Variants in AOAH observed in about 807,000 individuals in gnomAD.
The protein encoded by AOAH is acyloxyacyl hydrolase (neutrophil).
A neutral mutation model predicts 92.2 loss-of-function variants in AOAH; 64 were observed. The ratio of observed to expected loss-of-function variants is 0.69; its 90% CI spans 0.57 to 0.86. The LOEUF (loss-of-function observed/expected upper bound fraction) is 0.86, where lower values mean the gene tolerates loss of function less well. AOAH is among the 40% of genes least tolerant of loss of function. AOAH has a pLI of 0.00. For missense variants in AOAH, 656 were observed against 694.6 expected, an observed-to-expected ratio of 0.94 and a Z score of 0.62; for synonymous variants, 263 against 254.5, an observed-to-expected ratio of 1.03 and a Z score of -0.32.
At chr7:36,543,947 C>CTTTCTTTTTTTTTTTTT (rs55745823) in intron 15 of AOAH, among the ~76,000 whole-genome samples, 3 of 91,008 alleles carry the variant, frequency 3.3e-5, no homozygotes, top group African/African-American at 4.3e-5. Flanking sequence ...TTCTTTCTTT[C>CTTTCTTTTTTTTTTTTT]TTTTTTTTTT....
chr7:36,723,804 C>T (rs946364681), intron 1 of AOAH, among the ~76,000 whole-genome samples: 2 of 152,008 alleles, frequency 1.3e-5, no homozygotes, highest in African/African-American at 2.4e-5. Flanking sequence ...GAGTTTTATG[C>T]CCAATTTAAA....
chr7:36,602,420 T>G (rs1790678816), intron 11 of AOAH, among the ~76,000 whole-genome samples: 1 of 151,852 alleles, frequency 6.6e-6, no homozygotes, highest in Non-Finnish European at 1.5e-5. Context: ...AAACTCTTTC[T>G]ACTGAATTCC....
At chr7:36,718,935 T>G (rs182185618) in intron 1 of AOAH, among the ~76,000 whole-genome samples, 1 of 152,224 alleles carries the variant, frequency 6.6e-6, no homozygotes, top group Non-Finnish European at 1.5e-5. Context: ...TTATGATACA[T>G]GAATTATATT....
chr7:36,693,972 T>C (rs1396922009), intron 1 of AOAH, among the ~76,000 whole-genome samples: 2 of 152,230 alleles, frequency 1.3e-5, no homozygotes. Context: ...CTGAGGTAAA[T>C]GCCAAACATG....
chr7:36,678,748 T>C (rs1405746563), intron 2 of AOAH, among the ~76,000 whole-genome samples: 2 of 152,158 alleles, frequency 1.3e-5, no homozygotes, highest in African/African-American at 2.4e-5. Context: ...ATGGCTGATA[T>C]GGGACAGGAA....
intron 4 of AOAH, among the ~76,000 whole-genome samples, chr7:36,649,796 G>A (rs1405235766): frequency 1.3e-5 from 2 of 152,164 alleles, no homozygotes; most frequent in African/African-American, 4.8e-5. Flanking sequence ...CAGACCTACC[G>A]CTAACTTCCA....
intron 13 of AOAH, 54 bp from the exon 14 acceptor site, chr7:36,549,529 T>A: frequency 8.1e-7 from 1 of 1,239,472 alleles, no homozygotes; most frequent in Non-Finnish European, 1.2e-6. Context: ...AATTTCACAC[T>A]ATCAATATGG....
intron 11 of AOAH, among the ~76,000 whole-genome samples, chr7:36,605,721 C>T (rs1436592789): frequency 6.6e-6 from 1 of 152,190 alleles, no homozygotes; most frequent in Non-Finnish European, 1.5e-5. Context: ...GTGCACCCTA[C>T]ATGGCTGGCA....
At chr7:36,559,298 T>C (rs1324939659) in intron 13 of AOAH, among the ~76,000 whole-genome samples, 2 of 152,242 alleles carry the variant, frequency 1.3e-5, no homozygotes, top group Non-Finnish European at 2.9e-5. Flanking sequence ...ATGGTAGTTC[T>C]CAAAGTTCTT....
chr7:36,659,807 A>C (rs1252330349), intron 3 of AOAH, among the ~76,000 whole-genome samples: 1 of 127,248 alleles, frequency 7.9e-6, no homozygotes, highest in Non-Finnish European at 1.6e-5. Flanking sequence ...CAGGCCTCTG[A>C]GCCGAAGCTC....
intron 12 of AOAH, among the ~76,000 whole-genome samples, chr7:36,589,212 A>AT (rs1461921977): frequency 1.3e-5 from 2 of 152,004 alleles, no homozygotes; most frequent in African/African-American, 4.8e-5. Flanking sequence ...TCAGGTGGCT[A>AT]TTTTTGTTAA....
chr7:36,547,097 A>C (rs1398954321), intron 15 of AOAH, among the ~76,000 whole-genome samples: 1 of 152,238 alleles, frequency 6.6e-6, no homozygotes, highest in Admixed American at 6.5e-5. Context: ...AAATGGGACC[A>C]TCATCCTTGC....
chr7:36,581,724 T>C (rs1788943565), intron 12 of AOAH, among the ~76,000 whole-genome samples: 1 of 152,198 alleles, frequency 6.6e-6, no homozygotes, highest in Non-Finnish European at 1.5e-5. Context: ...ATATTATAGA[T>C]ACAGTTAGTT....
At chr7:36,691,755 C>A (rs1797413576) in intron 1 of AOAH, among the ~76,000 whole-genome samples, 1 of 152,148 alleles carries the variant, frequency 6.6e-6, no homozygotes, top group South Asian at 2.1e-4. Context: ...TGTCTATATC[C>A]CAGCCCTTTG....
At chr7:36,613,083 T>G (rs1163749038) in intron 11 of AOAH, among the ~76,000 whole-genome samples, 1 of 152,196 alleles carries the variant, frequency 6.6e-6, no homozygotes, top group African/African-American at 2.4e-5. Context: ...GAGTATTTCT[T>G]AAAATAATTT....
chr7:36,706,391 C>T (rs559896449), intron 1 of AOAH, among the ~76,000 whole-genome samples: 1 of 152,236 alleles, frequency 6.6e-6, no homozygotes, highest in Admixed American at 6.5e-5. Flanking sequence ...ATACAGTAAA[C>T]CATACACAAA....
intron 1 of AOAH, among the ~76,000 whole-genome samples, chr7:36,689,207 A>G (rs1458921173): frequency 2.0e-5 from 3 of 152,174 alleles, no homozygotes; most frequent in Non-Finnish European, 4.4e-5. Context: ...TGAAACAACC[A>G]GTGTCCTCTC....
rs56836308 is a variant in AOAH at position 36,517,228 on chromosome 7, C to G, written c.1600-3848G>C. ...TTTCTTTCTTTCTCTTTCTTTCTGTCTCTCTCTCTCTCTCTCTTTCTTTCT... is the reference window on the plus strand; with the variant it reads ...TTTCTTTCTTTCTCTTTCTTTCTGTGTCTCTCTCTCTCTCTCTTTCTTTCT... On this transcript the variant is annotated intron_variant, in intron 20 of 20. Transcript: ENST00000617537. Among the ~76,000 whole-genome samples the G allele has an allele frequency of 2.4e-3, 130 of 54,826 alleles. 7 individuals are homozygous for G. Among genetic ancestry groups the G allele is most frequent in the African/African-American group, 7.1e-3 (120 of 16,834 alleles). The allele number at this position is 54,826 out of a possible 152,430, so 36.0% of individuals were successfully genotyped here.
At chr7:36,655,928 A>T (rs1489420664) in intron 4 of AOAH, among the ~76,000 whole-genome samples, 1 of 152,188 alleles carries the variant, frequency 6.6e-6, no homozygotes, top group Non-Finnish European at 1.5e-5. Flanking sequence ...AGCTATGATA[A>T]GAGGGCTATC....
Sources: gnomAD v4.1 joint callset for allele counts (sites outside exome capture counted in the v4.1 genomes callset) on GRCh38, gnomAD v4.1.1 for gene constraint, MANE v1.5 for transcripts, NCBI Gene and HGNC (gene_info 2026-07-23, HGNC 2026-07-21) for gene names.